FRMD4A: variants seen among roughly 807,000 people sequenced by gnomAD.
FRMD4A encodes the protein FERM domain containing 4A.
In FRMD4A, 29 loss-of-function variants were observed where a neutral mutation model predicts 129.1. The ratio of observed to expected loss-of-function variants is 0.22; its 90% CI spans 0.17 to 0.31. The LOEUF (loss-of-function observed/expected upper bound fraction) is 0.31, where lower values mean the gene tolerates loss of function less well. Among genes scored for constraint, FRMD4A ranks in the 10% least tolerant of loss-of-function variants. The pLI, the probability that FRMD4A is intolerant of heterozygous loss-of-function variation, is 1.00. For missense variants in FRMD4A, 1,272 were observed against 1,375.8 expected, an observed-to-expected ratio of 0.92 and a Z score of 1.19; for synonymous variants, 634 against 571.6, an observed-to-expected ratio of 1.11 and a Z score of -1.56.
chr10:13,674,028 A>G (rs1303336505), intron 16 of FRMD4A, among the ~76,000 whole-genome samples: 8 of 152,010 alleles, frequency 5.3e-5, no homozygotes, highest in Admixed American at 5.2e-4. Context: ...TCAGCCTCCC[A>G]AAGTGCTAGT....
chr10:14,310,756 T>C (rs999584713), intron 2 of FRMD4A, among the ~76,000 whole-genome samples: 4 of 152,090 alleles, frequency 2.6e-5, no homozygotes, highest in Non-Finnish European at 5.9e-5. Context: ...GTCCAACCAA[T>C]CTTATGTGCC....
chr10:13,666,447 A>G, intron 17 of FRMD4A, 122 bp from the exon 18 acceptor site: 2 of 670,784 alleles, frequency 3.0e-6, no homozygotes, highest in Non-Finnish European at 5.1e-6. Context: ...GAGTAGCCCC[A>G]CTCCTAAAAT....
intron 2 of FRMD4A, among the ~76,000 whole-genome samples, chr10:14,041,936 G>C (rs1833794451): frequency 6.6e-6 from 1 of 152,214 alleles, no homozygotes; most frequent in African/African-American, 2.4e-5. Flanking sequence ...ACTGAAACGA[G>C]CACAGGGAGC....
chr10:14,084,498 C>G (rs1399374008), intron 2 of FRMD4A, among the ~76,000 whole-genome samples: 1 of 152,146 alleles, frequency 6.6e-6, no homozygotes, highest in Admixed American at 6.5e-5. Flanking sequence ...TTTAAATTTT[C>G]TATGTTATGT....
intron 2 of FRMD4A, among the ~76,000 whole-genome samples, chr10:14,037,379 A>G (rs1255374579): frequency 6.6e-6 from 1 of 151,816 alleles, no homozygotes; most frequent in African/African-American, 2.4e-5. Context: ...CACCATGTCC[A>G]CCTAATTTTT....
At chr10:14,179,356 ACATCT>A (rs1841835295) in intron 2 of FRMD4A, among the ~76,000 whole-genome samples, 1 of 152,186 alleles carries the variant, frequency 6.6e-6, no homozygotes, top group Admixed American at 6.5e-5. Context: ...CTATTTAGAA[ACATCT>A]TCATCAAATT....
intron 3 of FRMD4A, among the ~76,000 whole-genome samples, chr10:13,844,695 G>T (rs2094017646): frequency 6.6e-6 from 1 of 152,178 alleles, no homozygotes; most frequent in Admixed American, 6.5e-5. Flanking sequence ...GTGGCACTTT[G>T]GCATTTCCTG....
chr10:13,667,703 C>T (rs1054002198), intron 17 of FRMD4A: 4 of 152,206 alleles, frequency 2.6e-5, no homozygotes, highest in Non-Finnish European at 5.9e-5. Context: ...CCTCTCTTCT[C>T]TAGTAAAACC....
chr10:14,310,356 GCAGA>G (rs1846503396), intron 2 of FRMD4A, among the ~76,000 whole-genome samples: 1 of 152,162 alleles, frequency 6.6e-6, no homozygotes, highest in South Asian at 2.1e-4. Flanking sequence ...AATTATTTAG[GCAGA>G]CAGTGAGGGT....
At position 14,285,680 on chromosome 10, in the gene FRMD4A, C is replaced by T. The variant is rs147159581; in HGVS notation, c.45+44378G>A. ...AAAGTTATGAGGTTTATATGAAATA[C>T]CAGGTGTTAAGTACTTATTGTAGGG... On this transcript the variant is annotated intron_variant, in intron 2 of 24. Transcript: ENST00000357447. 2.8e-3 allele frequency among the ~76,000 whole-genome samples: 423 copies of T among 152,280 alleles called. 3 individuals carry two copies. The highest frequency in any genetic ancestry group is 9.4e-3 in the African/African-American group (391 of 41,548).
intron 2 of FRMD4A, among the ~76,000 whole-genome samples, chr10:14,254,619 A>T (rs566991911): frequency 6.6e-6 from 1 of 152,140 alleles, no homozygotes; most frequent in South Asian, 2.1e-4. Context: ...CTTAACCTCA[A>T]ATATTTTTAA....
chr10:14,233,268 C>T (rs1843694739), intron 2 of FRMD4A, among the ~76,000 whole-genome samples: 2 of 152,150 alleles, frequency 1.3e-5, no homozygotes, highest in South Asian at 4.2e-4. Context: ...AAATTATCCT[C>T]ACACAAAACT....
intron 2 of FRMD4A, among the ~76,000 whole-genome samples, chr10:13,901,027 T>C (rs1175421239): frequency 1.3e-5 from 2 of 152,220 alleles, no homozygotes; most frequent in Non-Finnish European, 2.9e-5. Context: ...ATGGGCACTA[T>C]TGTTAACCCC....
intron 2 of FRMD4A, among the ~76,000 whole-genome samples, chr10:14,076,203 C>T (rs1188546139): frequency 1.3e-5 from 2 of 152,182 alleles, no homozygotes; most frequent in African/African-American, 4.8e-5. Flanking sequence ...TGGATCCCCA[C>T]CTGCCTTTCC....
intron 2 of FRMD4A, among the ~76,000 whole-genome samples, chr10:14,248,687 G>A (rs1160000817): frequency 1.3e-5 from 2 of 152,184 alleles, no homozygotes. Flanking sequence ...AATCTTCACA[G>A]GGTTTGTTTA....
At chr10:13,935,779 C>T (rs915349641) in intron 2 of FRMD4A, among the ~76,000 whole-genome samples, 5 of 152,150 alleles carry the variant, frequency 3.3e-5, no homozygotes, top group African/African-American at 7.2e-5. Flanking sequence ...ATACTCCTAT[C>T]CTCCTTCCTA....
intron 3 of FRMD4A, among the ~76,000 whole-genome samples, chr10:13,823,462 T>C (rs964427282): frequency 6.6e-6 from 1 of 152,214 alleles, no homozygotes; most frequent in African/African-American, 2.4e-5. Context: ...CTCTGCCAGA[T>C]AGGACTGCCA....
chr10:14,109,361 T>C (rs1837756537), intron 2 of FRMD4A, among the ~76,000 whole-genome samples: 1 of 152,192 alleles, frequency 6.6e-6, no homozygotes, highest in Non-Finnish European at 1.5e-5. Context: ...GTTTCACTGT[T>C]GGATGAAAGT....
At chr10:14,300,357 A>C (rs4750506) in intron 2 of FRMD4A, among the ~76,000 whole-genome samples, 47,944 of 151,926 alleles carry the variant, frequency 0.32, 7,984 homozygotes, top group Middle Eastern at 0.38. Flanking sequence ...TTAGAATAAA[A>C]TTCTCATCCT....
Sources: allele counts gnomAD v4.1 joint callset (sites outside exome capture counted in the v4.1 genomes callset), GRCh38; gene constraint gnomAD v4.1.1; transcripts MANE v1.5; gene names NCBI Gene and HGNC (gene_info 2026-07-23, HGNC 2026-07-21).